CAMSAP2: variants seen among roughly 807,000 people sequenced by gnomAD.
CAMSAP2 encodes the protein calmodulin regulated spectrin associated protein family member 2.
Under a neutral mutation model 146.1 loss-of-function variants are expected in CAMSAP2, and 26 were observed. The ratio of observed to expected loss-of-function variants is 0.18; its 90% CI spans 0.13 to 0.25. The LOEUF is 0.25. Ranked by LOEUF, CAMSAP2 falls within the 10% of genes least tolerant of loss-of-function variation. The probability of loss-of-function intolerance (pLI) is 1.00; values close to 1 mark genes in which losing one functional copy is unlikely to be tolerated. For synonymous variants in CAMSAP2, 499 were observed against 596.6 expected (o/e 0.84, Z 2.38); for missense variants, 1,381 against 1,759.3 (o/e 0.78, Z 3.85).
At chr1:200,740,210 C>A (rs1046247615) in intron 1 of CAMSAP2, among the ~76,000 whole-genome samples, 2 of 150,732 alleles carry the variant, frequency 1.3e-5, no homozygotes, top group South Asian at 2.1e-4. Flanking sequence ...GGCAAAATGT[C>A]CCCCCCATCC....
chr1:200,856,452 G>A (rs938397459), intron 15 of CAMSAP2, among the ~76,000 whole-genome samples: 1 of 152,110 alleles, frequency 6.6e-6, no homozygotes, highest in Non-Finnish European at 1.5e-5. Context: ...TGGGATTCCA[G>A]GTATCCAGAA....
intron 2 of CAMSAP2, among the ~76,000 whole-genome samples, chr1:200,789,602 C>T (rs184516747): frequency 6.6e-6 from 1 of 152,152 alleles, no homozygotes; most frequent in African/African-American, 2.4e-5. Flanking sequence ...CATCAGTTCT[C>T]TAACTTTATT....
At chr1:200,792,793 G>T (rs1283355111) in intron 2 of CAMSAP2, among the ~76,000 whole-genome samples, 1 of 152,202 alleles carries the variant, frequency 6.6e-6, no homozygotes, top group Non-Finnish European at 1.5e-5. Flanking sequence ...AGATGTGACT[G>T]GGAAAGGGCA....
Position 200,795,026 on chromosome 1 carries a change from C to T in CAMSAP2, c.400-12350C>T, listed in dbSNP as rs565870828. ...AAGCACAGAGAAGTTAAGGAATTTG[C>T]CAAAGATCACCTAGTTAGTAAGTGG... On this transcript the variant is annotated intron_variant, in intron 2 of 16. Coordinates refer to ENST00000358823, the MANE Select transcript of CAMSAP2 (RefSeq NM_203459.4). Among the ~76,000 whole-genome samples, 5 of 152,264 alleles carry T rather than the reference C, an allele frequency of 3.3e-5. No homozygotes were observed. The South Asian group carries it at 1.0e-3, about 32-fold the overall frequency.
At position 200,747,062 on chromosome 1, in the gene CAMSAP2, T is replaced by G. The variant is rs555623841; in HGVS notation, c.139+7096T>G. On this transcript the variant is annotated intron_variant, in intron 1 of 16. Coordinates refer to ENST00000358823, the MANE Select transcript of CAMSAP2 (RefSeq NM_203459.4). Reference sequence around the variant, plus strand: ...TAGCTGGGACTACATGCCTGGCTAATTTTTTTGAAAATGTTTTGTAGAGAT... The same window carrying G: ...TAGCTGGGACTACATGCCTGGCTAAGTTTTTTGAAAATGTTTTGTAGAGAT... 2.0e-5 allele frequency among the ~76,000 whole-genome samples: 3 copies of G among 152,210 alleles called. No homozygotes were observed. In the East Asian group the frequency reaches 5.8e-4, roughly 29 times the overall value.
At chr1:200,803,784 A>G (rs1286767234) in intron 2 of CAMSAP2, among the ~76,000 whole-genome samples, 1 of 152,166 alleles carries the variant, frequency 6.6e-6, no homozygotes, top group African/African-American at 2.4e-5. Flanking sequence ...TTTTCGAAGT[A>G]AACTATAGAT....
At chr1:200,822,438 G>C (rs946146408) in intron 4 of CAMSAP2, among the ~76,000 whole-genome samples, 4 of 151,848 alleles carry the variant, frequency 2.6e-5, no homozygotes, top group African/African-American at 9.7e-5. Context: ...TTAAAGAATC[G>C]GGCTATTTTA....
At position 200,849,052 on chromosome 1, in the gene CAMSAP2, G is replaced by A. The variant is rs1667543087; in HGVS notation, c.2283G>A (p.Arg761=). 1.2e-6 allele frequency: 2 copies of A among 1,614,092 alleles called. No homozygotes were observed. Among genetic ancestry groups the A allele is most frequent in the Middle Eastern group, 1.6e-4 (1 of 6,062 alleles). Residue 761 remains arginine, a synonymous_variant, in exon 11 of 17, where the codon AGG becomes AGA. Transcript: ENST00000358823. The surrounding 1 kb of genome is among the most constrained non-coding windows in gnomAD (Gnocchi z 6.3). ...TTAGGATGAAACTAGAAGAAAAGAG[G>A]CGTGCTATAGAAGCCCAGAAAAAGA... ...VHLRMKLEEK[R]RAIEAQKKKM...
chr1:200,798,311 C>G (rs1665941964), intron 2 of CAMSAP2, among the ~76,000 whole-genome samples: 1 of 123,728 alleles, frequency 8.1e-6, no homozygotes. Flanking sequence ...ATGGAATGTT[C>G]TTCCATTTGT....
At chr1:200,838,962 G>A (rs1269460233) in intron 6 of CAMSAP2, among the ~76,000 whole-genome samples, 3 of 152,194 alleles carry the variant, frequency 2.0e-5, no homozygotes, top group Non-Finnish European at 4.4e-5. Context: ...TGGGATAGTG[G>A]TGCCATTCAG....
intron 1 of CAMSAP2, among the ~76,000 whole-genome samples, chr1:200,746,832 A>C (rs747020275): frequency 6.6e-5 from 10 of 151,704 alleles, no homozygotes; most frequent in Non-Finnish European, 1.3e-4. Context: ...GTTAGCCAGG[A>C]TGGTCTTGAT....
chr1:200,811,501 A>C (rs891739152), intron 3 of CAMSAP2, among the ~76,000 whole-genome samples: 1 of 152,170 alleles, frequency 6.6e-6, no homozygotes, highest in African/African-American at 2.4e-5. Context: ...AATTGAGGGT[A>C]AGGCCATATA....
At chr1:200,806,690 G>A (rs1666179665) in intron 2 of CAMSAP2, among the ~76,000 whole-genome samples, 3 of 152,150 alleles carry the variant, frequency 2.0e-5, no homozygotes, top group South Asian at 4.1e-4. Flanking sequence ...AACTGGTGGA[G>A]GGAGGGGCAC....
chr1:200,778,977 G>C (rs1400847123), intron 2 of CAMSAP2, among the ~76,000 whole-genome samples: 4 of 152,264 alleles, frequency 2.6e-5, no homozygotes, highest in Admixed American at 2.6e-4. Flanking sequence ...TTGCCTCAGA[G>C]ACCTGAACAA....
In CAMSAP2 at chr1:200,797,689, G is replaced by T. The variant is rs1170876034; in HGVS notation, c.400-9687G>T. On this transcript the variant is annotated intron_variant, in intron 2 of 16. Transcript: ENST00000358823. ...TCTTTAGTTTAATTAGATCCCATTT[G>T]TCAATTTTGGCTTTTGTTGCCATTG... Among the ~76,000 whole-genome samples, 292 of 105,008 alleles carry T rather than the reference G, an allele frequency of 2.8e-3. 2 individuals carry two copies. The highest frequency in any genetic ancestry group is 4.2e-3 in the Non-Finnish European group (216 of 51,568). The allele number at this position is 105,008 out of a possible 152,430, so 68.9% of individuals were successfully genotyped here.
intron 4 of CAMSAP2, among the ~76,000 whole-genome samples, chr1:200,828,044 T>C (rs1666948239): frequency 6.6e-6 from 1 of 152,158 alleles, no homozygotes; most frequent in Admixed American, 6.5e-5. Context: ...TTCCATTAAT[T>C]AAAAGAAACT....
In CAMSAP2 at chr1:200,832,425, G is replaced by C; in HGVS notation, c.787+84G>C. 7.6e-7 allele frequency: 1 copy of C among 1,309,780 alleles called. No individual in the cohort carries two copies. Among genetic ancestry groups the C allele is most frequent in the African/African-American group, 1.5e-5 (1 of 66,404 alleles). 81.1% of individuals were successfully genotyped at this position (1,309,780 alleles called of 1,614,324 possible). ...CAGTATTATTTTGCACTCCAGCCTA[G>C]GTGACTGAGTGGGACCCTGTCTCAA... On this transcript the variant is annotated intron_variant, in intron 5 of 16. Coordinates refer to ENST00000358823, the MANE Select transcript of CAMSAP2 (RefSeq NM_203459.4). The surrounding 1 kb of genome is among the most constrained non-coding windows in gnomAD (Gnocchi z 4.2).
chr1:200,817,734 C>T (rs1226498612), intron 4 of CAMSAP2, among the ~76,000 whole-genome samples: 5 of 152,236 alleles, frequency 3.3e-5, no homozygotes, highest in Non-Finnish European at 5.9e-5. Context: ...TGGAGGACCA[C>T]GTACAATTTT....
At position 200,738,902 on chromosome 1, in the gene CAMSAP2, A is replaced by G. The variant is rs928569123; in HGVS notation, c.-926A>G. Reference sequence around the variant, plus strand: ...GCGAAGGCGCATGCTCAGTCTCCGCATCTGCTCCTTCATCCAGTGCCGCAG... The same window carrying G: ...GCGAAGGCGCATGCTCAGTCTCCGCGTCTGCTCCTTCATCCAGTGCCGCAG... On this transcript the variant is annotated 5_prime_UTR_variant, in exon 1 of 17. Transcript: ENST00000358823. 1.3e-5 allele frequency among the ~76,000 whole-genome samples: 2 copies of G among 150,570 alleles called. No individual in the cohort carries two copies. The highest frequency in any genetic ancestry group is 3.0e-5 in the Non-Finnish European group (2 of 67,700).
Sources: gnomAD v4.1 joint callset for allele counts (sites outside exome capture counted in the v4.1 genomes callset) on GRCh38, gnomAD v4.1.1 for gene constraint, Gnocchi (gnomAD v3.1) non-coding constraint, MANE v1.5 for transcripts, NCBI Gene and HGNC (gene_info 2026-07-23, HGNC 2026-07-21) for gene names.